FMN1: variants seen among roughly 807,000 people sequenced by gnomAD.
FMN1 encodes the protein formin 1.
In FMN1, 110 loss-of-function variants were observed where a neutral mutation model predicts 132.4. The observed-to-expected ratio is 0.83, with a 90% confidence interval of 0.71 to 0.97. The LOEUF (loss-of-function observed/expected upper bound fraction) is 0.97. Among genes scored for constraint, FMN1 ranks in the 50% least tolerant of loss-of-function variants. The probability of loss-of-function intolerance (pLI) is 0.00; values close to 1 mark genes in which losing one functional copy is unlikely to be tolerated. For missense variants in FMN1, 1,792 were observed against 1,705.3 expected (o/e 1.05, Z -0.90); for synonymous variants, 722 against 651.7 (o/e 1.11, Z -1.64).
At chr15:33,093,435 G>A (rs1233510109) in intron 4 of FMN1, among the ~76,000 whole-genome samples, 1 of 152,152 alleles carries the variant, frequency 6.6e-6, no homozygotes, top group Non-Finnish European at 1.5e-5. Flanking sequence ...AAGTGCTTGT[G>A]GAGTGGATGT....
intron 19 of FMN1, among the ~76,000 whole-genome samples, chr15:32,782,325 A>G (rs1293011938): frequency 6.6e-6 from 1 of 152,246 alleles, no homozygotes; most frequent in Non-Finnish European, 1.5e-5. Context: ...TTTCTGACTT[A>G]AACAATTTAA....
At chr15:33,094,292 G>T (rs2039001314) in intron 4 of FMN1, among the ~76,000 whole-genome samples, 1 of 152,134 alleles carries the variant, frequency 6.6e-6, no homozygotes, top group African/African-American at 2.4e-5. Context: ...TCTTTCAGAA[G>T]ACTTTTCCTG....
At chr15:32,839,428 G>A (rs976500734) in intron 17 of FMN1, among the ~76,000 whole-genome samples, 1 of 152,044 alleles carries the variant, frequency 6.6e-6, no homozygotes, top group Non-Finnish European at 1.5e-5. Context: ...CCATTTTAGT[G>A]TTCTGCTTGT....
intron 4 of FMN1, chr15:33,150,081 G>C: frequency 1.0e-6 from 1 of 985,420 alleles, no homozygotes; most frequent in Non-Finnish European, 1.2e-6. Flanking sequence ...TTCAGTCAAA[G>C]GAAAACAACC....
chr15:32,841,135 G>A (rs983686638), intron 17 of FMN1, among the ~76,000 whole-genome samples: 3 of 152,154 alleles, frequency 2.0e-5, no homozygotes, highest in Non-Finnish European at 1.5e-5. Context: ...TTGATCTTGG[G>A]TTGGATCATC....
chr15:32,891,234 G>C (rs1043788512), intron 15 of FMN1, among the ~76,000 whole-genome samples: 1 of 152,120 alleles, frequency 6.6e-6, no homozygotes, highest in African/African-American at 2.4e-5. Flanking sequence ...GTTCTTTTAT[G>C]GTTCCGTATG....
chr15:32,774,015 G>T lies in FMN1; in HGVS notation c.*295C>A. 2 of 394,182 alleles carry T rather than the reference G, an allele frequency of 5.1e-6. No individual in the cohort carries two copies. The highest frequency in any genetic ancestry group is 9.0e-6 in the Non-Finnish European group (2 of 223,078). The allele number at this position is 394,182 out of a possible 1,614,324, so 24.4% of individuals were successfully genotyped here. A position where few individuals can be genotyped will look rare whatever the true frequency, so the allele number is the denominator to read the frequency against. ...AAATCTCAGCTTTTAAAAAAATTTT[G>T]GAAACATTTTGGTATTTCTTCTGCT... On this transcript the variant is annotated 3_prime_UTR_variant, in exon 21 of 21. Coordinates refer to ENST00000616417, the MANE Select transcript of FMN1 (RefSeq NM_001277313.2).
intron 5 of FMN1, among the ~76,000 whole-genome samples, chr15:33,076,740 T>C (rs1446389228): frequency 3.3e-5 from 5 of 152,190 alleles, no homozygotes; most frequent in Admixed American, 3.3e-4. Context: ...TCTAAATGTT[T>C]CTTTTCATGA....
chr15:32,970,557 C>T (rs2031695144), intron 7 of FMN1, among the ~76,000 whole-genome samples: 1 of 152,134 alleles, frequency 6.6e-6, no homozygotes, highest in South Asian at 2.1e-4. Context: ...CCAAGAGCCT[C>T]CCTTATCAAG....
chr15:32,972,448 T>C (rs2031868681), intron 7 of FMN1, among the ~76,000 whole-genome samples: 1 of 152,204 alleles, frequency 6.6e-6, no homozygotes, highest in African/African-American at 2.4e-5. Context: ...CTGGCTTTCA[T>C]CTCCCCCATC....
intron 16 of FMN1, among the ~76,000 whole-genome samples, chr15:32,865,170 A>C (rs2059364347): frequency 1.3e-5 from 2 of 152,196 alleles, no homozygotes; most frequent in Non-Finnish European, 2.9e-5. Context: ...TGGAGTAATA[A>C]AAATTTCAAA....
At chr15:33,074,791 G>A (rs555313574) in intron 5 of FMN1, among the ~76,000 whole-genome samples, 13 of 152,032 alleles carry the variant, frequency 8.6e-5, no homozygotes, top group South Asian at 4.2e-4. Flanking sequence ...TGAGGCAGGC[G>A]GATCACTTGA....
At chr15:32,827,537 T>G (rs2058397089) in intron 17 of FMN1, among the ~76,000 whole-genome samples, 2 of 152,206 alleles carry the variant, frequency 1.3e-5, no homozygotes, top group African/African-American at 4.8e-5. Flanking sequence ...CTTGTTCATC[T>G]TTTTAACGAC....
chr15:33,121,870 GAAAACA>G (rs912958667), intron 4 of FMN1, among the ~76,000 whole-genome samples: 5 of 152,098 alleles, frequency 3.3e-5, no homozygotes, highest in African/African-American at 1.2e-4. Context: ...TTAGGAATTT[GAAAACA>G]AAAAGAAAGC....
chr15:32,846,292 G>C (rs1415696873), intron 17 of FMN1, among the ~76,000 whole-genome samples: 3 of 152,074 alleles, frequency 2.0e-5, no homozygotes, highest in Non-Finnish European at 4.4e-5. Flanking sequence ...GAGTGAACAG[G>C]CAACCTACAG....
intron 17 of FMN1, among the ~76,000 whole-genome samples, chr15:32,828,234 AC>A (rs1264105789): frequency 1.3e-5 from 2 of 152,202 alleles, no homozygotes; most frequent in African/African-American, 4.8e-5. Flanking sequence ...AGATTGCACC[AC>A]TGCACTCCAG....
chr15:32,952,225 T>TAC (rs964158577), intron 9 of FMN1, among the ~76,000 whole-genome samples: 42 of 152,328 alleles, frequency 2.8e-4, no homozygotes, highest in African/African-American at 1.0e-3. Context: ...TCCAATGTCT[T>TAC]ACTAAAGCAT....
chr15:33,130,038 GGTGATCCACCTCGTGATCCACCTGACCTC>G (rs1431968300), intron 4 of FMN1, among the ~76,000 whole-genome samples: 1 of 151,984 alleles, frequency 6.6e-6, no homozygotes, highest in Non-Finnish European at 1.5e-5. Flanking sequence ...CACCTGCCTT[GGTGATCCACCTCGTGATCCACCTGACCTC>G]GTGATCCACC....
intron 17 of FMN1, among the ~76,000 whole-genome samples, chr15:32,837,501 T>C (rs1298386672): frequency 2.0e-5 from 3 of 152,088 alleles, no homozygotes. Context: ...GCAACCCCAG[T>C]GATAAGGCAA....
Sources: gnomAD v4.1 joint callset for allele counts (sites outside exome capture counted in the v4.1 genomes callset) on GRCh38, gnomAD v4.1.1 for gene constraint, MANE v1.5 for transcripts, NCBI Gene and HGNC (gene_info 2026-07-23, HGNC 2026-07-21) for gene names.